UBR1: variants seen among roughly 807,000 people sequenced by gnomAD.
The protein encoded by UBR1 is ubiquitin protein ligase E3 component n-recognin 1.
A neutral mutation model predicts 242.1 loss-of-function variants in UBR1; 102 were observed. The observed-to-expected ratio is 0.42, with a 90% confidence interval of 0.36 to 0.50. UBR1 has a LOEUF of 0.50. UBR1 is among the 20% of genes least tolerant of loss of function. The pLI, the probability that UBR1 is intolerant of heterozygous loss-of-function variation, is 0.01. For missense variants in UBR1, 1,772 were observed against 2,101.8 expected (o/e 0.84, Z 3.07); for synonymous variants, 675 against 684.8 (o/e 0.99, Z 0.22).
At chr15:43,005,897 G>C (rs866207221) in intron 30 of UBR1, among the ~76,000 whole-genome samples, 14 of 148,056 alleles carry the variant, frequency 9.5e-5, no homozygotes, top group Admixed American at 8.1e-4. Flanking sequence ...CAGCATGCTC[G>C]TTAAGAGTCA....
chr15:43,089,887 A>T (rs2034087591), intron 1 of UBR1, among the ~76,000 whole-genome samples: 1 of 152,254 alleles, frequency 6.6e-6, no homozygotes, highest in Non-Finnish European at 1.5e-5. Context: ...AGATCAAGAC[A>T]TTGTTACAGA....
intron 6 of UBR1, among the ~76,000 whole-genome samples, chr15:43,065,744 T>C (rs2033744902): frequency 6.6e-6 from 1 of 152,216 alleles, no homozygotes; most frequent in Non-Finnish European, 1.5e-5. Context: ...CTTTTTTTCA[T>C]GTTTGCTGGC....
At chr15:42,968,808 G>A (rs2032155276) in intron 40 of UBR1, among the ~76,000 whole-genome samples, 1 of 151,948 alleles carries the variant, frequency 6.6e-6, no homozygotes, top group African/African-American at 2.4e-5. Context: ...GAGAATGATG[G>A]TTTCCAGCTT....
intron 1 of UBR1, among the ~76,000 whole-genome samples, chr15:43,098,304 A>C (rs879263284): frequency 6.6e-6 from 1 of 152,230 alleles, no homozygotes; most frequent in Non-Finnish European, 1.5e-5. Context: ...ACAGATCATC[A>C]TAACAGATAT....
chr15:43,099,732 G>A (rs1330466382), intron 1 of UBR1, among the ~76,000 whole-genome samples: 2 of 152,128 alleles, frequency 1.3e-5, no homozygotes, highest in Non-Finnish European at 2.9e-5. Context: ...CTGTGAACAA[G>A]CAACAGTTCA....
At position 43,100,820 on chromosome 15, in the gene UBR1, G is replaced by A. The variant is rs146713831; in HGVS notation, c.81+5122C>T. On this transcript the variant is annotated intron_variant, in intron 1 of 46. Coordinates refer to ENST00000290650, the MANE Select transcript of UBR1 (RefSeq NM_174916.3). ...ACGCACTCCAGCCTGGCGACAGAGC[G>A]AGACTCCGTCTCAAAAAAAAAGATG... 8.8e-3 allele frequency among the ~76,000 whole-genome samples: 1,347 copies of A among 152,290 alleles called. 22 individuals carry two copies. The highest frequency in any genetic ancestry group is 0.03 in the African/African-American group (1,264 of 41,542).
At chr15:43,075,743 G>A (rs1275776322) in intron 3 of UBR1, among the ~76,000 whole-genome samples, 1 of 151,572 alleles carries the variant, frequency 6.6e-6, no homozygotes, top group Admixed American at 6.6e-5. Flanking sequence ...AGCCTCCCAA[G>A]TAGCTGGGAC....
rs532905925 is a variant in UBR1 at position 43,093,741 on chromosome 15, G to A, written c.82-7501C>T. Among the ~76,000 whole-genome samples, 137 of 145,588 alleles carry A rather than the reference G, an allele frequency of 9.4e-4. 1 individual carries two copies. Among genetic ancestry groups the A allele is most frequent in the Non-Finnish European group, 3.7e-4 (25 of 67,360 alleles). ...GTTGAGGCTGCAGCAAGCCCTGATC[G>A]CGCCACCGCACTTCATTCAGCCTGG... On this transcript the variant is annotated intron_variant, in intron 1 of 46. Coordinates refer to ENST00000290650, the MANE Select transcript of UBR1 (RefSeq NM_174916.3).
At chr15:42,946,417 C>T (rs908537123) in intron 46 of UBR1, among the ~76,000 whole-genome samples, 5 of 152,170 alleles carry the variant, frequency 3.3e-5, no homozygotes, top group Admixed American at 1.3e-4. Context: ...TGAACCACCG[C>T]GGCCGCCTGG....
At chr15:42,981,656 A>AT (rs1461215761) in intron 37 of UBR1, among the ~76,000 whole-genome samples, 1 of 151,874 alleles carries the variant, frequency 6.6e-6, no homozygotes, top group African/African-American at 2.4e-5. Context: ...CGCCTGGCTA[A>AT]TTTTTTGTAT....
chr15:42,966,822 TAAAA>T (rs1463269757), intron 40 of UBR1, among the ~76,000 whole-genome samples: 9 of 152,120 alleles, frequency 5.9e-5, no homozygotes, highest in Admixed American at 1.3e-4. Context: ...TAGGTGGTGA[TAAAA>T]AACAAAAGCA....
intron 39 of UBR1, among the ~76,000 whole-genome samples, chr15:42,973,458 C>T (rs891242975): frequency 6.6e-6 from 1 of 152,064 alleles, no homozygotes; most frequent in Non-Finnish European, 1.5e-5. Context: ...CCATGCCAGG[C>T]TAATTTTTGT....
intron 3 of UBR1, among the ~76,000 whole-genome samples, chr15:43,079,475 T>C (rs2033947608): frequency 6.6e-6 from 1 of 152,104 alleles, no homozygotes; most frequent in Admixed American, 6.6e-5. Context: ...CTATTTGACT[T>C]TAAAGATAAA....
chr15:43,010,818 C>CAAAAAAAAAAAAAAAAA (rs768275252), intron 29 of UBR1, among the ~76,000 whole-genome samples: 1 of 56,972 alleles, frequency 1.8e-5, no homozygotes, highest in African/African-American at 7.2e-5. Context: ...ACTAAAAATA[C>CAAAAAAAAAAAAAAAAA]AAAAAAAAAA....
Position 42,988,905 on chromosome 15 carries a change from A to C in UBR1, c.3911T>G (p.Ile1304Ser). The change falls in exon 35 of 47, where the codon ATT becomes AGT. Residue 1304 changes from isoleucine to serine, a missense_variant. Ile to Ser is a moderately radical substitution (Grantham distance 142). Coordinates refer to ENST00000290650, the MANE Select transcript of UBR1 (RefSeq NM_174916.3). ...TTCATCAGGTGGCACTTTCAATCCAATTCTATAAATTGTTGTGGCAAAGAG... is the reference window on the plus strand; with the variant it reads ...TTCATCAGGTGGCACTTTCAATCCACTTCTATAAATTGTTGTGGCAAAGAG... ...VILFATTIYR[I>S]GLKVPPDERD... is the part of the protein sequence containing the mutation. The C allele has an allele frequency of 6.2e-7, 1 of 1,613,254 alleles. No homozygotes were observed. The highest frequency in any genetic ancestry group is 1.3e-5 in the African/African-American group (1 of 75,024).
intron 3 of UBR1, among the ~76,000 whole-genome samples, chr15:43,081,365 C>T (rs889221917): frequency 2.0e-5 from 3 of 148,568 alleles, no homozygotes; most frequent in Admixed American, 6.9e-5. Context: ...TGTGGTGAGC[C>T]GAGATCGCAC....
At chr15:42,945,491 A>G (rs1567103732) in intron 46 of UBR1, 21 bp from the exon 47 acceptor site, 1 of 1,613,606 alleles carries the variant, frequency 6.2e-7, no homozygotes, top group East Asian at 2.2e-5. Flanking sequence ...AAAAGAAAAA[A>G]CAACATGTAA....
intron 33 of UBR1, among the ~76,000 whole-genome samples, chr15:42,995,500 A>G (rs1004134260): frequency 1.3e-5 from 2 of 151,174 alleles, no homozygotes; most frequent in African/African-American, 4.9e-5. Context: ...TCTACTAAAA[A>G]TACAAAAAAA....
intron 46 of UBR1, among the ~76,000 whole-genome samples, chr15:42,948,476 C>A (rs2031774419): frequency 6.6e-6 from 1 of 152,102 alleles, no homozygotes; most frequent in African/African-American, 2.4e-5. Context: ...AAAGAAACTA[C>A]CATCAGAGTG....
Sources: allele counts gnomAD v4.1 joint callset (sites outside exome capture counted in the v4.1 genomes callset), GRCh38; gene constraint gnomAD v4.1.1; transcripts MANE v1.5; gene names NCBI Gene and HGNC (gene_info 2026-07-23, HGNC 2026-07-21).